The following WDFY4 variants were observed in gnomAD, a reference collection of about 807,000 sequenced individuals.
WDFY4 encodes the protein WDFY family member 4.
In WDFY4, 169 loss-of-function variants were observed where a neutral mutation model predicts 351.9. That is an observed-to-expected ratio of 0.48 (90% CI 0.42 to 0.55). The LOEUF is 0.55. WDFY4 is among the 20% of genes least tolerant of loss of function. The probability of loss-of-function intolerance (pLI) is 0.00; values close to 1 mark genes in which losing one functional copy is unlikely to be tolerated. For missense variants in WDFY4, 3,803 were observed against 3,935.6 expected (o/e 0.97, Z 0.90); for synonymous variants, 1,622 against 1,574.6 (o/e 1.03, Z -0.71).
At chr10:48,928,929 A>G (rs555079380) in intron 47 of WDFY4, among the ~76,000 whole-genome samples, 5 of 152,356 alleles carry the variant, frequency 3.3e-5, no homozygotes, top group South Asian at 4.1e-4. Context: ...CCAGGCAGCA[A>G]AGAAAATGAA....
At chr10:48,971,099 C>T (rs980158628) in intron 57 of WDFY4, among the ~76,000 whole-genome samples, 8 of 152,196 alleles carry the variant, frequency 5.3e-5, no homozygotes, top group African/African-American at 1.9e-4. Flanking sequence ...TCCCTGCATA[C>T]TCCGGAACTT....
At chr10:48,751,579 C>T (rs1386492727) in intron 12 of WDFY4, among the ~76,000 whole-genome samples, 1 of 152,048 alleles carries the variant, frequency 6.6e-6, no homozygotes, top group South Asian at 2.1e-4. Flanking sequence ...GGTGCTAGTC[C>T]CTGAGAGAGA....
intron 23 of WDFY4, among the ~76,000 whole-genome samples, chr10:48,793,050 T>C (rs890099251): frequency 1.2e-4 from 19 of 152,236 alleles, no homozygotes; most frequent in Non-Finnish European, 2.6e-4. Context: ...GAGACTGAGC[T>C]GACTGAGCTT....
intron 4 of WDFY4, among the ~76,000 whole-genome samples, chr10:48,723,001 G>T (rs933911553): frequency 2.0e-5 from 3 of 152,062 alleles, no homozygotes; most frequent in African/African-American, 4.8e-5. Flanking sequence ...CACCATTGTT[G>T]CTCACACACA....
chr10:48,926,131 G>T (rs1383994482), intron 47 of WDFY4, among the ~76,000 whole-genome samples: 1 of 152,172 alleles, frequency 6.6e-6, no homozygotes, highest in Non-Finnish European at 1.5e-5. Flanking sequence ...TCATCCTGGG[G>T]ATACATTGCT....
intron 47 of WDFY4, among the ~76,000 whole-genome samples, chr10:48,919,811 G>C (rs1453561429): frequency 1.3e-5 from 2 of 152,008 alleles, no homozygotes; most frequent in Non-Finnish European, 2.9e-5. Context: ...ATTTTTGGGG[G>C]ACACAAACAT....
intron 12 of WDFY4, among the ~76,000 whole-genome samples, chr10:48,757,078 C>G (rs1394145594): frequency 6.6e-6 from 1 of 151,990 alleles, no homozygotes; most frequent in African/African-American, 2.4e-5. Flanking sequence ...TCTTTGTGGG[C>G]AGGTTTTTAG....
rs71026224 is a variant in WDFY4 at position 48,768,723 on chromosome 10, A to AAGAGAGAGAGAGAGAG, written c.2554-5717_2554-5702dup. On this transcript the variant is annotated intron_variant, in intron 13 of 61. Transcript: ENST00000325239. ...CGGTGTTGTGGGGGTGGGAGAGGAGAAGAGAGAGAGAGAGAGAGAGAGAGA... is the reference window on the plus strand; with the variant it reads ...CGGTGTTGTGGGGGTGGGAGAGGAGAAGAGAGAGAGAGAGAGAGAGAGAGAGAGAGAGAGAGAGAGA... Among the ~76,000 whole-genome samples, 948 of 141,016 alleles carry AAGAGAGAGAGAGAGAG rather than the reference A, an allele frequency of 6.7e-3. 16 individuals are homozygous for AAGAGAGAGAGAGAGAG. Among genetic ancestry groups the AAGAGAGAGAGAGAGAG allele is most frequent in the East Asian group, 0.043 (188 of 4,332 alleles). 92.5% of individuals were successfully genotyped at this position (141,016 alleles called of 152,430 possible). A position where few individuals can be genotyped will look rare whatever the true frequency, so the allele number is the denominator to read the frequency against.
intron 1 of WDFY4, among the ~76,000 whole-genome samples, chr10:48,698,562 C>G (rs986463510): frequency 6.6e-6 from 1 of 152,114 alleles, no homozygotes; most frequent in African/African-American, 2.4e-5. Flanking sequence ...CTCTGTCGAC[C>G]GTATCATGCT....
At chr10:48,878,454 T>C (rs1407316180) in intron 43 of WDFY4, 1 of 152,250 alleles carries the variant, frequency 6.6e-6, no homozygotes, top group East Asian at 1.9e-4. Flanking sequence ...GCTGCAGAAC[T>C]TTCAGCAAAT....
intron 60 of WDFY4, chr10:48,978,976 T>C (rs1160129024): frequency 6.6e-6 from 1 of 152,638 alleles, no homozygotes; most frequent in Non-Finnish European, 1.5e-5. Context: ...AGTTCATTTC[T>C]AAAACACAGT....
At chr10:48,773,391 A>G (rs11101474) in intron 13 of WDFY4, among the ~76,000 whole-genome samples, 8,727 of 152,302 alleles carry the variant, frequency 0.057, 586 homozygotes, top group East Asian at 0.34. Flanking sequence ...ACAAAAGAGA[A>G]TGTGGACAGT....
chr10:48,792,048 T>C (rs1349815727), intron 23 of WDFY4, among the ~76,000 whole-genome samples: 1 of 152,162 alleles, frequency 6.6e-6, no homozygotes, highest in Non-Finnish European at 1.5e-5. Context: ...TTCAAAGCCA[T>C]TCAAAACTGG....
At chr10:48,982,367 TCCCCTGCCTCAAGGGAGACAAGACCAGGG>T (rs1842846330) in intron 61 of WDFY4, 113 bp from the exon 62 acceptor site, 1 of 613,718 alleles carries the variant, frequency 1.6e-6, no homozygotes, top group Non-Finnish European at 2.6e-6. Context: ...TCCCACTGCC[TCCCCTGCCTCAAGGGAGACAAGACCAGGG>T]GCAAGCTCCG....
chr10:48,846,418 T>G (rs543836268), intron 39 of WDFY4, among the ~76,000 whole-genome samples: 24 of 152,178 alleles, frequency 1.6e-4, no homozygotes, highest in Non-Finnish European at 2.9e-4. Context: ...ATTTTCTCAT[T>G]TACTCCCTCA....
At chr10:48,890,825 G>T in intron 44 of WDFY4, 98 bp downstream of exon 44, 1 of 1,493,806 alleles carries the variant, frequency 6.7e-7, no homozygotes, top group South Asian at 1.3e-5. Flanking sequence ...TCTTACAGTG[G>T]GCTTAGATTT....
At chr10:48,895,925 G>A (rs936057273) in intron 44 of WDFY4, among the ~76,000 whole-genome samples, 2 of 152,134 alleles carry the variant, frequency 1.3e-5, no homozygotes, top group African/African-American at 2.4e-5. Flanking sequence ...CTCATCACAC[G>A]TGGGTCCCTT....
chr10:48,881,889 C>T (rs1246328039), intron 43 of WDFY4, among the ~76,000 whole-genome samples: 1 of 152,214 alleles, frequency 6.6e-6, no homozygotes, highest in Admixed American at 6.5e-5. Flanking sequence ...ATACTCCCAC[C>T]CCAGAGCATA....
At chr10:48,844,397 G>A (rs1056235745) in intron 39 of WDFY4, among the ~76,000 whole-genome samples, 3 of 152,068 alleles carry the variant, frequency 2.0e-5, no homozygotes, top group African/African-American at 7.2e-5. Flanking sequence ...TTTGAGACCG[G>A]CCTGGCCAAT....
Sources: gnomAD v4.1 joint callset for allele counts (sites outside exome capture counted in the v4.1 genomes callset) on GRCh38, gnomAD v4.1.1 for gene constraint, MANE v1.5 for transcripts, NCBI Gene and HGNC (gene_info 2026-07-23, HGNC 2026-07-21) for gene names.